Variants in AGBL4 observed in about 807,000 individuals in gnomAD.
AGBL4 encodes the protein AGBL carboxypeptidase 4, also known as cytosolic carboxypeptidase 6.
In AGBL4, 58 loss-of-function variants were observed where a neutral mutation model predicts 66.4. The observed-to-expected ratio is 0.87, with a 90% CI of 0.71 to 1.09. The LOEUF is 1.09. Among genes scored for constraint, AGBL4 ranks in the 50% least tolerant of loss-of-function variants. The pLI, the probability that AGBL4 is intolerant of heterozygous loss-of-function variation, is 0.00. For synonymous variants in AGBL4, 234 were observed against 222.9 expected (o/e 1.05, Z -0.44); for missense variants, 579 against 631.0 (o/e 0.92, Z 0.88).
At chr1:49,499,095 CTCT>C (rs1029443407) in intron 3 of AGBL4, among the ~76,000 whole-genome samples, 3 of 151,902 alleles carry the variant, frequency 2.0e-5, no homozygotes, top group Non-Finnish European at 2.9e-5. Context: ...GAACTATTCC[CTCT>C]TCTTCAATTT....
At chr1:49,264,741 C>T (rs1484372095) in intron 3 of AGBL4, among the ~76,000 whole-genome samples, 2 of 152,172 alleles carry the variant, frequency 1.3e-5, no homozygotes, top group Non-Finnish European at 2.9e-5. Flanking sequence ...GATGGCGTTT[C>T]TCTGTGTTGC....
At chr1:49,534,924 T>A (rs1651450209) in intron 3 of AGBL4, among the ~76,000 whole-genome samples, 1 of 152,234 alleles carries the variant, frequency 6.6e-6, no homozygotes, top group African/African-American at 2.4e-5. Context: ...AGAAATGTGA[T>A]TAAAGTATTA....
chr1:49,857,823 G>T, intron 1 of AGBL4, among the ~76,000 whole-genome samples: 1 of 152,000 alleles, frequency 6.6e-6, no homozygotes, highest in East Asian at 1.9e-4. Context: ...TAATGGCTAA[G>T]ACATCAAAAG....
intron 3 of AGBL4, among the ~76,000 whole-genome samples, chr1:49,497,246 C>CT (rs1647683908): frequency 6.6e-6 from 1 of 151,852 alleles, no homozygotes; most frequent in Non-Finnish European, 1.5e-5. Context: ...TATTGAGTTC[C>CT]TTACATATTT....
intron 3 of AGBL4, among the ~76,000 whole-genome samples, chr1:49,567,713 C>G (rs1285981512): frequency 6.6e-6 from 1 of 152,090 alleles, no homozygotes. Flanking sequence ...TTTCCTAATG[C>G]TCTCCCTCCC....
intron 6 of AGBL4, among the ~76,000 whole-genome samples, chr1:48,778,527 T>C (rs1176126693): frequency 1.3e-5 from 2 of 152,224 alleles, no homozygotes; most frequent in Non-Finnish European, 2.9e-5. Context: ...TTAAATGTTA[T>C]ATTTTTAAAA....
chr1:49,139,652 T>C (rs1323818684), intron 4 of AGBL4, among the ~76,000 whole-genome samples: 1 of 152,170 alleles, frequency 6.6e-6, no homozygotes, highest in East Asian at 1.9e-4. Flanking sequence ...TAATTGGTAC[T>C]GGATAAATGT....
intron 3 of AGBL4, among the ~76,000 whole-genome samples, chr1:49,345,448 G>A (rs1645617817): frequency 6.6e-6 from 1 of 152,020 alleles, no homozygotes; most frequent in Non-Finnish European, 1.5e-5. Flanking sequence ...ACTCTTTAAT[G>A]TAGGTCTCCA....
At chr1:49,568,204 C>A (rs1372518998) in intron 3 of AGBL4, among the ~76,000 whole-genome samples, 1 of 151,992 alleles carries the variant, frequency 6.6e-6, no homozygotes, top group Non-Finnish European at 1.5e-5. Context: ...TCAAACTATC[C>A]CTGTCTCCAG....
intron 3 of AGBL4, among the ~76,000 whole-genome samples, chr1:49,563,170 A>C (rs1263717592): frequency 1.3e-5 from 2 of 151,198 alleles, no homozygotes; most frequent in Non-Finnish European, 2.9e-5. Context: ...GTATCCTGAG[A>C]CTTTGCTGAA....
intron 5 of AGBL4, among the ~76,000 whole-genome samples, chr1:48,906,462 A>G (rs1250189346): frequency 6.6e-6 from 1 of 152,158 alleles, no homozygotes; most frequent in Admixed American, 6.5e-5. Flanking sequence ...GAGGGGCAGT[A>G]AGTTTTAAAA....
At chr1:49,809,012 T>C (rs1645036442) in intron 2 of AGBL4, among the ~76,000 whole-genome samples, 1 of 152,166 alleles carries the variant, frequency 6.6e-6, no homozygotes, top group South Asian at 2.1e-4. Context: ...CTGAACCTAG[T>C]AGGCGGTTAG....
At chr1:50,012,287 T>G (rs1661608708) in intron 1 of AGBL4, among the ~76,000 whole-genome samples, 1 of 151,680 alleles carries the variant, frequency 6.6e-6, no homozygotes, top group African/African-American at 2.4e-5. Flanking sequence ...GCTATCGTGA[T>G]AGCCCAATAG....
chr1:49,389,191 G>A (rs1644798214), intron 3 of AGBL4, among the ~76,000 whole-genome samples: 1 of 152,036 alleles, frequency 6.6e-6, no homozygotes, highest in East Asian at 1.9e-4. Context: ...AATGGGGAAT[G>A]AGTTGGATAT....
At chr1:49,764,278 G>A (rs1484964832) in intron 2 of AGBL4, among the ~76,000 whole-genome samples, 1 of 152,050 alleles carries the variant, frequency 6.6e-6, no homozygotes, top group Non-Finnish European at 1.5e-5. Flanking sequence ...GTACCCCACA[G>A]CCACCAGTCT....
chr1:49,679,228 C>T (rs564016739), intron 3 of AGBL4, among the ~76,000 whole-genome samples: 40 of 152,230 alleles, frequency 2.6e-4, no homozygotes, highest in Non-Finnish European at 4.9e-4. Context: ...TTGTTTGATA[C>T]ATACACATTC....
chr1:48,746,402 T>G (rs1650770321), intron 6 of AGBL4, among the ~76,000 whole-genome samples: 1 of 152,142 alleles, frequency 6.6e-6, no homozygotes, highest in African/African-American at 2.4e-5. Context: ...GTCCTTGTAC[T>G]CCACAGCCCA....
intron 1 of AGBL4, among the ~76,000 whole-genome samples, chr1:49,893,674 C>T (rs952936989): frequency 2.0e-5 from 3 of 152,184 alleles, no homozygotes; most frequent in Non-Finnish European, 4.4e-5. Context: ...AGGACTCTGT[C>T]TCATGGTTTG....
rs1217728228 is a variant in AGBL4 at position 49,697,319 on chromosome 1, T to C, written c.276A>G (p.Glu92=). The C allele has an allele frequency of 7.1e-6, 11 of 1,546,420 alleles. No individual in the cohort carries two copies. Among genetic ancestry groups the C allele is most frequent in the Non-Finnish European group, 7.9e-6 (9 of 1,143,080 alleles). The change falls in exon 3 of 14, where the codon GAA becomes GAG. Residue 92 remains glutamate (E), a synonymous_variant. Coordinates refer to ENST00000371839, the MANE Select transcript of AGBL4 (RefSeq NM_032785.4). ...WFNFTVENVK[E]SQRVIFNIVN... ...TATCCACTATTTCCCTCACCTGTGA[T>C]TCTTTCACATTTTCAACAGTAAAGT...
Sources: gnomAD v4.1 joint callset for allele counts (sites outside exome capture counted in the v4.1 genomes callset) on GRCh38, gnomAD v4.1.1 for gene constraint, MANE v1.5 for transcripts, NCBI Gene and HGNC (gene_info 2026-07-23, HGNC 2026-07-21) for gene names.